The following ZFPM2 variants were observed in gnomAD, a reference collection of about 807,000 sequenced individuals.
The protein encoded by ZFPM2 is zinc finger protein, FOG family member 2.
A neutral mutation model predicts 98.6 loss-of-function variants in ZFPM2; 20 were observed. The ratio of observed to expected loss-of-function variants is 0.20; its 90% CI spans 0.14 to 0.29. The LOEUF (loss-of-function observed/expected upper bound fraction) is 0.29. Among genes scored for constraint, ZFPM2 ranks in the 10% least tolerant of loss-of-function variants. The pLI, the probability that ZFPM2 is intolerant of heterozygous loss-of-function variation, is 1.00. For missense variants in ZFPM2, 1,310 were observed against 1,388.6 expected, an observed-to-expected ratio of 0.94 and a Z score of 0.90; for synonymous variants, 518 against 502.7, an observed-to-expected ratio of 1.03 and a Z score of -0.41.
intron 2 of ZFPM2, among the ~76,000 whole-genome samples, chr8:105,441,462 G>GA (rs1554604965): frequency 1.5e-4 from 9 of 61,198 alleles, no homozygotes; most frequent in African/African-American, 1.3e-3. Flanking sequence ...GAGAAAGAAA[G>GA]AAAGAAAGAA....
chr8:105,531,112 A>G (rs1247723713), intron 3 of ZFPM2, among the ~76,000 whole-genome samples: 1 of 152,116 alleles, frequency 6.6e-6, no homozygotes, highest in African/African-American at 2.4e-5. Context: ...TTCCAATGAT[A>G]TGGGTTACCA....
At chr8:105,619,609 G>A (rs772977420) in intron 4 of ZFPM2, among the ~76,000 whole-genome samples, 58 of 152,060 alleles carry the variant, frequency 3.8e-4, no homozygotes, top group Admixed American at 9.2e-4. Flanking sequence ...AGGTATATAT[G>A]TACCATGTTG....
intron 1 of ZFPM2, among the ~76,000 whole-genome samples, chr8:105,366,213 T>C (rs1165993925): frequency 2.0e-5 from 3 of 152,152 alleles, no homozygotes; most frequent in Non-Finnish European, 2.9e-5. Context: ...AGTTACGGTA[T>C]TTTACGTAAT....
chr8:105,767,025 C>T (rs956058114), intron 5 of ZFPM2, among the ~76,000 whole-genome samples: 2 of 151,784 alleles, frequency 1.3e-5, no homozygotes, highest in African/African-American at 4.8e-5. Context: ...TGAGACTTGG[C>T]GTCTATTGCT....
chr8:105,394,930 C>G (rs191881215), intron 1 of ZFPM2, among the ~76,000 whole-genome samples: 5 of 152,178 alleles, frequency 3.3e-5, no homozygotes. Context: ...CTTTGATTCT[C>G]TGGAATCGTG....
chr8:105,641,668 T>C (rs1295620340), intron 5 of ZFPM2, among the ~76,000 whole-genome samples: 1 of 152,134 alleles, frequency 6.6e-6, no homozygotes, highest in Non-Finnish European at 1.5e-5. Context: ...ATGTTAGTGA[T>C]TTATTGATGT....
chr8:105,568,989 C>T (rs190273351), intron 4 of ZFPM2, among the ~76,000 whole-genome samples: 4 of 152,136 alleles, frequency 2.6e-5, no homozygotes, highest in East Asian at 1.9e-4. Flanking sequence ...CCCCCCTCCC[C>T]ACCTATCTCT....
intron 5 of ZFPM2, among the ~76,000 whole-genome samples, chr8:105,700,080 A>C (rs1415150912): frequency 6.6e-6 from 1 of 152,190 alleles, no homozygotes; most frequent in Non-Finnish European, 1.5e-5. Flanking sequence ...TAACCTTGGA[A>C]TACTACCCCA....
intron 1 of ZFPM2, among the ~76,000 whole-genome samples, chr8:105,361,784 C>T (rs968744308): frequency 2.6e-5 from 4 of 152,100 alleles, no homozygotes; most frequent in Non-Finnish European, 4.4e-5. Flanking sequence ...CAATGGGCCA[C>T]ATATATGATG....
intron 3 of ZFPM2, among the ~76,000 whole-genome samples, chr8:105,471,706 C>T (rs183792462): frequency 6.3e-4 from 96 of 152,248 alleles, no homozygotes; most frequent in African/African-American, 2.2e-3. Context: ...CAAATAGAAA[C>T]TTGCTTGTTG....
intron 2 of ZFPM2, among the ~76,000 whole-genome samples, chr8:105,436,914 C>A (rs1350585229): frequency 1.3e-5 from 2 of 152,066 alleles, no homozygotes; most frequent in East Asian, 3.9e-4. Context: ...ATGATCTATA[C>A]CTTATTCATC....
chr8:105,727,735 A>G (rs117357516), intron 5 of ZFPM2, among the ~76,000 whole-genome samples: 334 of 151,844 alleles, frequency 2.2e-3, no homozygotes, highest in Non-Finnish European at 3.1e-3. Flanking sequence ...TTACCACTCA[A>G]TAAATCAGTG....
chr8:105,734,384 G>A (rs1812019833), intron 5 of ZFPM2, among the ~76,000 whole-genome samples: 5 of 151,822 alleles, frequency 3.3e-5, no homozygotes, highest in Admixed American at 3.3e-4. Context: ...ACTTTACCAG[G>A]AAATTCCAAG....
At chr8:105,569,324 A>G (rs1815307242) in intron 4 of ZFPM2, among the ~76,000 whole-genome samples, 2 of 152,244 alleles carry the variant, frequency 1.3e-5, no homozygotes, top group South Asian at 4.1e-4. Context: ...ACTTTTCTCC[A>G]TATCAGGAAC....
chr8:105,547,810 A>G (rs565566032), intron 3 of ZFPM2, among the ~76,000 whole-genome samples: 153 of 152,242 alleles, frequency 1.0e-3, no homozygotes, highest in Non-Finnish European at 1.6e-3. Flanking sequence ...TTTCAAACAT[A>G]ATTTCTATCT....
At chr8:105,648,156 G>T (rs889789501) in intron 5 of ZFPM2, among the ~76,000 whole-genome samples, 14 of 152,138 alleles carry the variant, frequency 9.2e-5, no homozygotes, top group Admixed American at 2.6e-4. Context: ...TCCTGTGTCT[G>T]TTGGCTGCAT....
intron 3 of ZFPM2, among the ~76,000 whole-genome samples, chr8:105,494,307 C>T (rs1221244094): frequency 1.4e-5 from 2 of 146,528 alleles, no homozygotes; most frequent in Non-Finnish European, 1.5e-5. Context: ...TACACTTTTC[C>T]GTGGAAACCA....
At chr8:105,731,999 A>C (rs1811951222) in intron 5 of ZFPM2, among the ~76,000 whole-genome samples, 1 of 151,754 alleles carries the variant, frequency 6.6e-6, no homozygotes, top group African/African-American at 2.4e-5. Flanking sequence ...ATACTAAATG[A>C]ACTTTATGGA....
chr8:105,699,192 A>T (rs1811086946), intron 5 of ZFPM2, among the ~76,000 whole-genome samples: 1 of 152,086 alleles, frequency 6.6e-6, no homozygotes, highest in South Asian at 2.1e-4. Context: ...TGACATATTC[A>T]TTTTCCTTTG....
Sources: gnomAD v4.1 joint callset for allele counts (sites outside exome capture counted in the v4.1 genomes callset) on GRCh38, gnomAD v4.1.1 for gene constraint, MANE v1.5 for transcripts, NCBI Gene and HGNC (gene_info 2026-07-23, HGNC 2026-07-21) for gene names.